PCSK2: variants seen among roughly 807,000 people sequenced by gnomAD.
PCSK2 encodes the protein neuroendocrine convertase 2.
A neutral mutation model predicts 69.7 loss-of-function variants in PCSK2; 14 were observed. The ratio of observed to expected loss-of-function variants is 0.20; its 90% CI spans 0.13 to 0.31. The LOEUF (loss-of-function observed/expected upper bound fraction) is 0.31. Ranked by LOEUF, PCSK2 falls within the 10% of genes least tolerant of loss-of-function variation. PCSK2 has a pLI of 1.00. For missense variants in PCSK2, 544 were observed against 842.5 expected (o/e 0.65, Z 4.39); for synonymous variants, 307 against 320.7 (o/e 0.96, Z 0.46).
At chr20:17,335,879 TGTG>T in intron 2 of PCSK2, among the ~76,000 whole-genome samples, 1 of 151,726 alleles carries the variant, frequency 6.6e-6, no homozygotes, top group African/African-American at 2.4e-5. Context: ...TGTGTGTGTG[TGTG>T]TGTGTGTGTG....
chr20:17,408,984 G>C (rs2031813463), intron 5 of PCSK2, among the ~76,000 whole-genome samples: 1 of 152,198 alleles, frequency 6.6e-6, no homozygotes, highest in Non-Finnish European at 1.5e-5. Flanking sequence ...ACATCAACTT[G>C]AAAGGAAGAC....
rs534740634 is a variant in PCSK2, at chr20:17,441,736, G to A, written c.885+4853G>A. On this transcript the variant is annotated intron_variant, in intron 8 of 11. Transcript: ENST00000262545. ...CAAGAGAACAGCATGGGGAAGACTC[G>A]CCCCCATGATTCAGTTACCTCCCAC... 3.9e-5 allele frequency among the ~76,000 whole-genome samples: 6 copies of A among 152,058 alleles called. No homozygotes were observed. In the East Asian group the frequency reaches 5.8e-4, roughly 15 times the overall value.
chr20:17,271,492 A>G (rs1271176818), intron 2 of PCSK2, among the ~76,000 whole-genome samples: 1 of 152,116 alleles, frequency 6.6e-6, no homozygotes, highest in Non-Finnish European at 1.5e-5. Context: ...TGATGCCTAC[A>G]CAGGCCATGC....
intron 2 of PCSK2, among the ~76,000 whole-genome samples, chr20:17,349,325 A>G (rs561281049): frequency 3.9e-5 from 6 of 152,370 alleles, no homozygotes; most frequent in African/African-American, 1.4e-4. Flanking sequence ...AAAGAAGTCA[A>G]GCTATATTCC....
At chr20:17,380,193 T>C (rs1311877084) in intron 5 of PCSK2, among the ~76,000 whole-genome samples, 1 of 152,244 alleles carries the variant, frequency 6.6e-6, no homozygotes, top group Non-Finnish European at 1.5e-5. Flanking sequence ...TAATTTGCTA[T>C]ACAGCAATAA....
intron 11 of PCSK2, among the ~76,000 whole-genome samples, chr20:17,476,904 T>C (rs2033300510): frequency 6.6e-6 from 1 of 152,232 alleles, no homozygotes. Context: ...AATGGATGGT[T>C]TCCCCAGATC....
At chr20:17,284,508 T>C (rs1348671575) in intron 2 of PCSK2, among the ~76,000 whole-genome samples, 6 of 152,208 alleles carry the variant, frequency 3.9e-5, no homozygotes, top group Non-Finnish European at 8.8e-5. Flanking sequence ...AAGGACAAAT[T>C]ACAACAAATT....
intron 4 of PCSK2, among the ~76,000 whole-genome samples, chr20:17,365,321 C>G (rs559478147): frequency 2.0e-5 from 3 of 152,190 alleles, no homozygotes; most frequent in African/African-American, 7.2e-5. Flanking sequence ...GAAGGCACAG[C>G]CCTCAAAACC....
At chr20:17,370,196 G>T (rs1206766584) in intron 5 of PCSK2, among the ~76,000 whole-genome samples, 1 of 152,182 alleles carries the variant, frequency 6.6e-6, no homozygotes, top group East Asian at 1.9e-4. Context: ...CCAGATCTAG[G>T]TGTAAAAAAT....
At chr20:17,405,968 T>A (rs1600553900) in intron 5 of PCSK2, among the ~76,000 whole-genome samples, 1 of 152,176 alleles carries the variant, frequency 6.6e-6, no homozygotes, top group East Asian at 1.9e-4. Flanking sequence ...TCCTGAATCA[T>A]CAGAGATTAA....
chr20:17,350,553 T>C (rs1343891635), intron 2 of PCSK2, among the ~76,000 whole-genome samples: 1 of 152,164 alleles, frequency 6.6e-6, no homozygotes, highest in East Asian at 1.9e-4. Context: ...GAGAGTTATA[T>C]GCACAGTTAA....
chr20:17,342,995 T>C (rs563298072), intron 2 of PCSK2, among the ~76,000 whole-genome samples: 1 of 152,244 alleles, frequency 6.6e-6, no homozygotes, highest in South Asian at 2.1e-4. Context: ...GTTCCTGCTA[T>C]AATTATCCTG....
chr20:17,469,201 C>G (rs2033160032), intron 11 of PCSK2, among the ~76,000 whole-genome samples: 2 of 152,220 alleles, frequency 1.3e-5, no homozygotes, highest in Admixed American at 1.3e-4. Flanking sequence ...GAGCTCTAAA[C>G]AAGTTGATTG....
intron 7 of PCSK2, among the ~76,000 whole-genome samples, chr20:17,431,900 C>T (rs966522507): frequency 7.2e-5 from 11 of 152,294 alleles, no homozygotes; most frequent in Admixed American, 6.5e-5. Flanking sequence ...TCTTTCCATT[C>T]GGGAGCTTTC....
In PCSK2 at chr20:17,436,751, G is replaced by A. The variant is rs1477671844; in HGVS notation, c.753G>A (p.Glu251=). ...LDQPFMTDII[E]ASSISHMPQL... is the part of the protein sequence containing the mutation. Reference sequence around the variant, plus strand: ...AGCCATTCATGACAGACATCATCGAGGCCTCCTCCATCAGTCATATGCCAC... The same window carrying A: ...AGCCATTCATGACAGACATCATCGAAGCCTCCTCCATCAGTCATATGCCAC... Residue 251 remains glutamate, a synonymous_variant, in exon 8 of 12, where the codon GAG becomes GAA. Coordinates refer to ENST00000262545, the MANE Select transcript of PCSK2 (RefSeq NM_002594.5). 1 of 1,613,996 alleles carries A rather than the reference G, an allele frequency of 6.2e-7. No homozygotes were observed. The highest frequency in any genetic ancestry group is 8.5e-7 in the Non-Finnish European group (1 of 1,179,992).
At chr20:17,372,455 A>T (rs2030799470) in intron 5 of PCSK2, among the ~76,000 whole-genome samples, 1 of 151,884 alleles carries the variant, frequency 6.6e-6, no homozygotes, top group Admixed American at 6.6e-5. Context: ...TAAATTAATG[A>T]AAGTAACAAA....
At chr20:17,371,557 G>A (rs1600528560) in intron 5 of PCSK2, among the ~76,000 whole-genome samples, 2 of 152,118 alleles carry the variant, frequency 1.3e-5, no homozygotes, top group Admixed American at 1.3e-4. Context: ...ATAAATGCAT[G>A]TTATCTGTCA....
chr20:17,419,449 T>A (rs552155111), intron 6 of PCSK2, among the ~76,000 whole-genome samples: 3 of 152,184 alleles, frequency 2.0e-5, no homozygotes, highest in Non-Finnish European at 4.4e-5. Flanking sequence ...AACAAAATAA[T>A]AATAATAGTA....
rs185722199 is a variant in PCSK2 at position 17,474,605 on chromosome 20, G to A, written c.1431-6979G>A. ...CATTTTCCCTCCCTTAGTCTTAGTC[G>A]CTAAGGCCTTCCCCATGAGCGTGGG... On this transcript the variant is annotated intron_variant, in intron 11 of 11. Transcript: ENST00000262545. Among the ~76,000 whole-genome samples, 99 of 152,180 alleles carry A rather than the reference G, an allele frequency of 6.5e-4. 1 individual carries two copies. The highest frequency in any genetic ancestry group is 2.4e-3 in the Admixed American group (36 of 15,284).
Sources: allele counts gnomAD v4.1 joint callset (sites outside exome capture counted in the v4.1 genomes callset), GRCh38; gene constraint gnomAD v4.1.1; transcripts MANE v1.5; gene names NCBI Gene and HGNC (gene_info 2026-07-23, HGNC 2026-07-21).